The following ZFP28 variants were observed in gnomAD, a reference collection of about 807,000 sequenced individuals.
ZFP28 encodes the protein ZFP28 zinc finger protein.
Under a neutral mutation model 39.5 loss-of-function variants are expected in ZFP28, and 31 were observed. That is an observed-to-expected ratio of 0.79 (90% confidence interval 0.59 to 1.06). The LOEUF (loss-of-function observed/expected upper bound fraction) is 1.06, where lower values mean the gene tolerates loss of function less well. Ranked by LOEUF, ZFP28 falls within the 50% of genes least tolerant of loss-of-function variation. The pLI is 0.00. For synonymous variants in ZFP28, 400 were observed against 378.6 expected (o/e 1.06, Z -0.66); for missense variants, 925 against 1,048.4 (o/e 0.88, Z 1.63).
Position 56,547,261 on chromosome 19 carries a change from G to T in ZFP28, c.301-247G>T. Reference sequence around the variant, plus strand: ...TCTTTTCCCTGTGCCTGCACACCGTGGTATCTCTTCCTGTTTTAATAAGGA... The same window carrying T: ...TCTTTTCCCTGTGCCTGCACACCGTTGTATCTCTTCCTGTTTTAATAAGGA... On this transcript the variant is annotated intron_variant, in intron 2 of 7. Coordinates refer to ENST00000301318, the MANE Select transcript of ZFP28 (RefSeq NM_020828.2). The surrounding 1 kb of genome is among the most constrained non-coding windows in gnomAD (Gnocchi z 4.6). 2.0e-6 allele frequency: 1 copy of T among 497,868 alleles called. No individual in the cohort carries two copies. 30.8% of individuals were successfully genotyped at this position (497,868 alleles called of 1,614,324 possible).
At position 56,549,020 on chromosome 19, in the gene ZFP28, C is replaced by T; in HGVS notation, c.586C>T (p.Leu196=). Residue 196 remains leucine (L), a synonymous_variant, in exon 5 of 8, where the codon CTA becomes TTA. Transcript: ENST00000301318. ...PLKKDFCEGK[L]SQAVITERLT... ...CAAGAAGGACTTCTGCGAAGGAAAG[C>T]TATCCCAGGCAGTGATAACAGAGAG... is the stretch of plus-strand genomic sequence containing the variant. The T allele has an allele frequency of 6.2e-7, 1 of 1,614,116 alleles. No homozygotes were observed. The highest frequency in any genetic ancestry group is 8.5e-7 in the Non-Finnish European group (1 of 1,180,006).
intron 2 of ZFP28, among the ~76,000 whole-genome samples, chr19:56,541,350 C>T (rs2044193696): frequency 6.6e-6 from 1 of 152,144 alleles, no homozygotes; most frequent in Admixed American, 6.5e-5. Context: ...CAGAATCTGG[C>T]AGTTTTCATC....
upstream of ZFP28, chr19:56,538,918 A>G (rs1257683274): frequency 2.3e-5 from 22 of 967,558 alleles, no homozygotes; most frequent in African/African-American, 2.2e-4. Flanking sequence ...GCCATGGGGG[A>G]GCGCGCGCGG....
rs142184982 is a variant in ZFP28 at position 56,549,011 on chromosome 19, G to A, written c.577G>A (p.Glu193Lys). 2.7e-4 allele frequency: 430 copies of A among 1,613,932 alleles called. No homozygotes were observed. Among genetic ancestry groups the A allele is most frequent in the Non-Finnish European group, 3.2e-4 (379 of 1,179,994 alleles). Residue 193 changes from glutamate (E) to lysine (K), a missense_variant, in exon 5 of 8, where the codon GAA (glutamate) becomes AAA (lysine). Glu to Lys is a moderately conservative substitution (Grantham distance 56, BLOSUM62 1). Around this residue, in one of 2 missense-constraint regions of ZFP28, gnomAD observed 556 missense variants for 542.9 expected, o/e 1.02. Coordinates refer to ENST00000301318, the MANE Select transcript of ZFP28 (RefSeq NM_020828.2). ...KELPLKKDFC[E>K]GKLSQAVITE... Reference sequence around the variant, plus strand: ...GTTACCTCTCAAGAAGGACTTCTGCGAAGGAAAGCTATCCCAGGCAGTGAT... The same window carrying A: ...GTTACCTCTCAAGAAGGACTTCTGCAAAGGAAAGCTATCCCAGGCAGTGAT...
In ZFP28 at chr19:56,550,698, A is replaced by G. The variant is rs771758262; in HGVS notation, c.898+93A>G. The G allele has an allele frequency of 8.8e-6, 14 of 1,598,218 alleles. No homozygotes were observed. In the South Asian group the frequency reaches 8.9e-5, roughly 10 times the overall value. ...TGCATCCTCACTAATATACAGTAGG[A>G]AACTTTACCCAGGGTCTCTGGGTCT... On this transcript the variant is annotated intron_variant, in intron 7 of 7. Coordinates refer to ENST00000301318, the MANE Select transcript of ZFP28 (RefSeq NM_020828.2).
chr19:56,551,665 G>C (rs1391756850), intron 7 of ZFP28: 1 of 985,362 alleles, frequency 1.0e-6, no homozygotes, highest in African/African-American at 1.7e-5. Context: ...ATTGCATCTT[G>C]AAAGTATTGG....
chr19:56,545,233 A>G (rs1408636847), intron 2 of ZFP28, among the ~76,000 whole-genome samples: 1 of 152,246 alleles, frequency 6.6e-6, no homozygotes, highest in African/African-American at 2.4e-5. Flanking sequence ...AGACTTCTCC[A>G]TGATGAGTTT....
intron 7 of ZFP28, chr19:56,550,839 G>A: frequency 6.8e-7 from 1 of 1,467,006 alleles, no homozygotes; most frequent in Non-Finnish European, 8.9e-7. Context: ...ACTGGGACGT[G>A]TATCATCCAC....
chr19:56,542,863 T>A (rs1262363344), intron 2 of ZFP28, among the ~76,000 whole-genome samples: 3 of 152,154 alleles, frequency 2.0e-5, no homozygotes, highest in African/African-American at 7.2e-5. Flanking sequence ...ACTCCGGGCC[T>A]CAAGCAATCC....
chr19:56,550,205 T>C, intron 6 of ZFP28, 24 bp downstream of exon 6: 1 of 1,585,834 alleles, frequency 6.3e-7, no homozygotes, highest in Non-Finnish European at 8.6e-7. Flanking sequence ...TCTCCCATAT[T>C]TGAATCTATC....
intron 7 of ZFP28, chr19:56,551,900 G>A (rs891036675): frequency 2.1e-5 from 21 of 982,496 alleles, no homozygotes; most frequent in Middle Eastern, 5.2e-4. Flanking sequence ...GTGATATATT[G>A]TCTCAAACTA....
rs2044259117 is a variant in ZFP28 at position 56,547,993 on chromosome 19, A to C, written c.523+91A>C. The C allele has an allele frequency of 2.5e-6, 3 of 1,213,628 alleles. No homozygotes were observed. Among genetic ancestry groups the C allele is most frequent in the South Asian group, 3.0e-5 (2 of 66,400 alleles). The allele number at this position is 1,213,628 out of a possible 1,614,324, so 75.2% of individuals were successfully genotyped here. A position where few individuals can be genotyped will look rare whatever the true frequency, so the allele number is the denominator to read the frequency against. ...CAACATCTTCAGCAGACTCTTCCTAAGCCTCTTGCTTAGGAATATCTGTTA... is the reference window on the plus strand; with the variant it reads ...CAACATCTTCAGCAGACTCTTCCTACGCCTCTTGCTTAGGAATATCTGTTA... On this transcript the variant is annotated intron_variant, in intron 4 of 7. Transcript: ENST00000301318. This position sits in a 1 kb window ranked among gnomAD's most constrained non-coding sequence, Gnocchi z 4.6.
upstream of ZFP28, chr19:56,538,833 AGCGGGGAGGGGTGGGGAGGGGC>A (rs2044162451): frequency 3.8e-5 from 1 of 26,548 alleles, no homozygotes; most frequent in African/African-American, 4.2e-4. Context: ...GGGGCGGGGC[AGCGGGGAGGGGTGGGGAGGGGC>A]GGGGCGCGGC....
At position 56,539,239 on chromosome 19, in the gene ZFP28, G is replaced by C. The variant is rs2044171123; in HGVS notation, c.208+13G>C. The C allele has an allele frequency of 6.3e-7, 1 of 1,587,140 alleles. No individual in the cohort carries two copies. The highest frequency in any genetic ancestry group is 8.5e-7 in the Non-Finnish European group (1 of 1,172,174). On this transcript the variant is annotated intron_variant, in intron 1 of 7. Coordinates refer to ENST00000301318, the MANE Select transcript of ZFP28 (RefSeq NM_020828.2). Reference sequence around the variant, plus strand: ...CCTGGGCACAGAGGTGAGAGTGACAGGTGTTTGGGGCCGAGCGGACAGGGA... The same window carrying C: ...CCTGGGCACAGAGGTGAGAGTGACACGTGTTTGGGGCCGAGCGGACAGGGA...
rs866567910 is a variant in ZFP28 at position 56,542,589 on chromosome 19, C to T, written c.300+2873C>T. 2.6e-5 allele frequency among the ~76,000 whole-genome samples: 4 copies of T among 152,322 alleles called. No individual in the cohort carries two copies. In the South Asian group the frequency reaches 8.3e-4, roughly 32 times the overall value. On this transcript the variant is annotated intron_variant, in intron 2 of 7. Transcript: ENST00000301318. The stretch of plus-strand genomic sequence containing the variant: ...CAGTTTCTCTTGTCTCATTTCCTTA[C>T]TTCATAGGCAAGGATTTGGGGCAGT...
chr19:56,538,604 G>C (rs1164647371), upstream of ZFP28: 1 of 152,088 alleles, frequency 6.6e-6, no homozygotes, highest in East Asian at 1.9e-4. Context: ...GCGTTGCATA[G>C]GCCCGGGGCC....
rs1267074791 is a variant in ZFP28, at chr19:56,550,076, A to G, written c.697A>G (p.Thr233Ala). The G allele has an allele frequency of 1.2e-6, 2 of 1,610,914 alleles. No homozygotes were observed. Among genetic ancestry groups the G allele is most frequent in the African/African-American group, 2.7e-5 (2 of 74,892 alleles). Residue 233 changes from threonine (T) to alanine (A), a missense_variant, in exon 6 of 8, where the codon ACT becomes GCT. Thr to Ala is a moderately conservative substitution (Grantham distance 58, BLOSUM62 0). This residue lies in a region of ZFP28 where 556 missense variants were observed against 542.9 expected (regional missense o/e 1.02). Coordinates refer to ENST00000301318, the MANE Select transcript of ZFP28 (RefSeq NM_020828.2). ...GCTTTTACCATTGCAGGGCTTGGTG[A>G]CTATCAAAAACCTGGCTGTTGACTT... ...ALFETQPGLV[T>A]IKNLAVDFRQ...
chr19:56,555,534 A>G lies in ZFP28; in HGVS notation c.*142A>G. ...TATTCACTCCTCTTGTAAAACTTAT[A>G]GTTTCTTTAAATTGGTTAATGTGTG... On this transcript the variant is annotated 3_prime_UTR_variant, in exon 8 of 8. Transcript: ENST00000301318. The G allele has an allele frequency of 1.7e-6, 2 of 1,207,198 alleles. No individual in the cohort carries two copies. The highest frequency in any genetic ancestry group is 1.5e-5 in the South Asian group (1 of 65,038). The allele number at this position is 1,207,198 out of a possible 1,614,324, so 74.8% of individuals were successfully genotyped here.
Position 56,547,399 on chromosome 19 carries a change from A to C in ZFP28, c.301-109A>C. 17 of 1,488,098 alleles carry C rather than the reference A, an allele frequency of 1.1e-5. No individual in the cohort carries two copies. Among genetic ancestry groups the C allele is most frequent in the Non-Finnish European group, 1.6e-5 (17 of 1,081,132 alleles). 92.2% of individuals were successfully genotyped at this position (1,488,098 alleles called of 1,614,324 possible). A position where few individuals can be genotyped will look rare whatever the true frequency, so the allele number is the denominator to read the frequency against. On this transcript the variant is annotated intron_variant, in intron 2 of 7. Coordinates refer to ENST00000301318, the MANE Select transcript of ZFP28 (RefSeq NM_020828.2). The surrounding 1 kb of genome is among the most constrained non-coding windows in gnomAD (Gnocchi z 4.6). ...ACATTCAAAAGTACTGGGGATTAGG[A>C]GTTTAATGTAGGAGTTTTGTCAGGG...
Sources: gnomAD v4.1 joint callset for allele counts (sites outside exome capture counted in the v4.1 genomes callset) on GRCh38, gnomAD v4.1.1 for gene constraint, gnomAD v4.1.1 regional missense constraint, Gnocchi (gnomAD v3.1) non-coding constraint, MANE v1.5 for transcripts, NCBI Gene and HGNC (gene_info 2026-07-23, HGNC 2026-07-21) for gene names.